The following EML6 variants were observed in gnomAD, a reference collection of about 807,000 sequenced individuals.
The protein encoded by EML6 is EMAP like 6.
A neutral mutation model predicts 240.1 loss-of-function variants in EML6; 154 were observed. The ratio of observed to expected loss-of-function variants is 0.64; its 90% CI spans 0.56 to 0.73. EML6 has a LOEUF of 0.73. Among genes scored for constraint, EML6 ranks in the 30% least tolerant of loss-of-function variants. EML6 has a pLI of 0.00. For missense variants in EML6, 2,964 were observed against 2,474.6 expected, an observed-to-expected ratio of 1.20 and a Z score of -4.20; for synonymous variants, 1,148 against 899.0, an observed-to-expected ratio of 1.28 and a Z score of -4.95.
chr2:54,803,858 C>G (rs73935224), intron 2 of EML6, among the ~76,000 whole-genome samples: 6,287 of 152,308 alleles, frequency 0.041, 437 homozygotes, highest in African/African-American at 0.14. Context: ...TCACCTCTCC[C>G]TGTGGTGCTG....
At chr2:54,835,413 C>T (rs1433833297) in intron 7 of EML6, among the ~76,000 whole-genome samples, 3 of 152,102 alleles carry the variant, frequency 2.0e-5, no homozygotes, top group Admixed American at 1.3e-4. Context: ...TGTGGAGGAG[C>T]GCAAGTGATG....
chr2:54,947,295 C>T (rs990602686), intron 28 of EML6, among the ~76,000 whole-genome samples: 2 of 152,184 alleles, frequency 1.3e-5, no homozygotes, highest in African/African-American at 4.8e-5. Flanking sequence ...ATTGTGAGAA[C>T]TGGCATGCCC....
chr2:54,933,245 G>A (rs957862216), intron 28 of EML6, among the ~76,000 whole-genome samples: 1 of 152,022 alleles, frequency 6.6e-6, no homozygotes, highest in African/African-American at 2.4e-5. Flanking sequence ...AATCACTATG[G>A]GCTAGGAAGA....
intron 2 of EML6, among the ~76,000 whole-genome samples, chr2:54,772,319 T>G (rs1246903022): frequency 1.3e-5 from 2 of 152,186 alleles, no homozygotes; most frequent in African/African-American, 4.8e-5. Context: ...TATGGAAATA[T>G]GAACAGAGGT....
chr2:54,910,416 C>A (rs1023712164), intron 24 of EML6, among the ~76,000 whole-genome samples: 2 of 152,190 alleles, frequency 1.3e-5, no homozygotes, highest in African/African-American at 2.4e-5. Flanking sequence ...TCCTGGATTT[C>A]TTTTCAAATG....
At chr2:54,915,116 A>T (rs1232882040) in intron 25 of EML6, among the ~76,000 whole-genome samples, 1 of 152,166 alleles carries the variant, frequency 6.6e-6, no homozygotes, top group Non-Finnish European at 1.5e-5. Context: ...CAACAAGTTT[A>T]TTTAACCCTT....
At position 54,869,264 on chromosome 2, in the gene EML6, T is replaced by C. The variant is rs1478595228; in HGVS notation, c.2135T>C (p.Val712Ala). 3 of 1,550,706 alleles carry C rather than the reference T, an allele frequency of 1.9e-6. No homozygotes were observed. Among genetic ancestry groups the C allele is most frequent in the Non-Finnish European group, 2.6e-6 (3 of 1,145,980 alleles). ...VVYHIAAVAVVYNRQQHSQRL... is the reference protein window; with the variant it reads ...VVYHIAAVAVAYNRQQHSQRL... ...TACCACATTGCTGCAGTTGCTGTCG[T>C]GTATAATCGGCAGCAGCACTCCCAG... Residue 712 changes from valine (V) to alanine (A), a missense_variant, in exon 15 of 42, where the codon GTG (valine) becomes GCG (alanine). Coordinates refer to ENST00000356458, the MANE Select transcript of EML6 (RefSeq NM_001039753.4).
intron 2 of EML6, among the ~76,000 whole-genome samples, chr2:54,745,524 C>G (rs934219357): frequency 1.3e-5 from 2 of 152,174 alleles, no homozygotes; most frequent in African/African-American, 4.8e-5. Context: ...TATCTGTAAT[C>G]TCAGCACTTT....
intron 28 of EML6, among the ~76,000 whole-genome samples, chr2:54,940,692 C>G (rs1369614824): frequency 1.3e-5 from 2 of 152,202 alleles, no homozygotes; most frequent in Non-Finnish European, 2.9e-5. Flanking sequence ...CCACTTTTAC[C>G]TTCACTTCAT....
At chr2:54,881,165 T>C (rs189190912) in intron 17 of EML6, 6 of 152,250 alleles carry the variant, frequency 3.9e-5, no homozygotes, top group Admixed American at 3.9e-4. Flanking sequence ...CAGTGCTGTT[T>C]CCAAGCAGGA....
intron 2 of EML6, among the ~76,000 whole-genome samples, chr2:54,761,671 A>C (rs1158825473): frequency 2.0e-5 from 3 of 152,192 alleles, no homozygotes; most frequent in Admixed American, 2.0e-4. Context: ...AAATGTTTAA[A>C]ATGGTCAAAA....
intron 26 of EML6, among the ~76,000 whole-genome samples, chr2:54,920,574 T>C (rs1429510644): frequency 6.6e-6 from 1 of 152,130 alleles, no homozygotes; most frequent in Admixed American, 6.6e-5. Context: ...CTCCCAAGTA[T>C]TTAAAGAAAA....
rs780599683 is a variant in EML6 at position 54,847,335 on chromosome 2, C to T, written c.1050-151C>T. The T allele has an allele frequency of 6.3e-5, 43 of 678,392 alleles. No individual in the cohort carries two copies. The Admixed American group carries it at 7.7e-4, about 12-fold the overall frequency. The allele number at this position is 678,392 out of a possible 1,614,324, so 42.0% of individuals were successfully genotyped here. A position where few individuals can be genotyped will look rare whatever the true frequency, so the allele number is the denominator to read the frequency against. ...ATGCACTAAAACACCTTTCCACACT[C>T]GCTGACAGGCCATGATAAAGGGCTC... On this transcript the variant is annotated intron_variant, in intron 8 of 41. Coordinates refer to ENST00000356458, the MANE Select transcript of EML6 (RefSeq NM_001039753.4).
Position 54,964,580 on chromosome 2 carries a change from A to G in EML6, c.5340A>G (p.Pro1780=). ...GGATTGCTTTTTCTAGAATCAGCCC[A>G]GACAACCGATTCTTAGCCGTTGGTT... ...KSAIQDIRIS[P]DNRFLAVGSS... The change falls in exon 38 of 42, where the codon CCA becomes CCG. Residue 1780 remains proline, a synonymous_variant. Transcript: ENST00000356458. 6.4e-7 allele frequency: 1 copy of G among 1,552,372 alleles called. No individual in the cohort carries two copies. Among genetic ancestry groups the G allele is most frequent in the East Asian group, 2.4e-5 (1 of 40,924 alleles).
intron 24 of EML6, among the ~76,000 whole-genome samples, chr2:54,907,251 C>A (rs1673372063): frequency 6.6e-6 from 1 of 152,188 alleles, no homozygotes; most frequent in Non-Finnish European, 1.5e-5. Context: ...TGGCTCACAC[C>A]TGTATTCTCA....
chr2:54,763,809 G>T (rs1277351104), intron 2 of EML6, among the ~76,000 whole-genome samples: 1 of 152,182 alleles, frequency 6.6e-6, no homozygotes, highest in Non-Finnish European at 1.5e-5. Context: ...AAAGGCTCTG[G>T]TGCTTTCAGG....
chr2:54,940,135 A>C (rs1431027715), intron 28 of EML6, among the ~76,000 whole-genome samples: 1 of 152,204 alleles, frequency 6.6e-6, no homozygotes, highest in Non-Finnish European at 1.5e-5. Flanking sequence ...GTGAACTGAC[A>C]GGCGCTAGCA....
intron 24 of EML6, among the ~76,000 whole-genome samples, chr2:54,907,899 AT>A (rs1481041312): frequency 1.8e-3 from 208 of 114,928 alleles, no homozygotes; most frequent in Non-Finnish European, 2.4e-3. Flanking sequence ...GATTAGATAG[AT>A]TAGATAGATA....
chr2:54,873,899 A>G (rs888291941), intron 16 of EML6, among the ~76,000 whole-genome samples: 1 of 149,090 alleles, frequency 6.7e-6, no homozygotes, highest in Non-Finnish European at 1.5e-5. Context: ...ATTGTATTTT[A>G]TGCACATTTC....
Sources: allele counts gnomAD v4.1 joint callset (sites outside exome capture counted in the v4.1 genomes callset), GRCh38; gene constraint gnomAD v4.1.1; transcripts MANE v1.5; gene names NCBI Gene and HGNC (gene_info 2026-07-23, HGNC 2026-07-21).